HERC2: variants seen among roughly 807,000 people sequenced by gnomAD.
The protein encoded by HERC2 is E3 ubiquitin-protein ligase HERC2.
HERC2 carries 102 observed loss-of-function variants against 537.7 expected under a neutral mutation model. That is an observed-to-expected ratio of 0.19 (90% CI 0.16 to 0.22). The LOEUF (loss-of-function observed/expected upper bound fraction) is 0.22, where lower values mean the gene tolerates loss of function less well. HERC2 is among the 10% of genes least tolerant of loss of function. The pLI, the probability that HERC2 is intolerant of heterozygous loss-of-function variation, is 1.00. For missense variants in HERC2, 4,236 were observed against 6,198.2 expected (o/e 0.68, Z 10.63); for synonymous variants, 2,224 against 2,466.2 (o/e 0.90, Z 2.91).
rs375034743 is a variant in HERC2 at position 28,233,198 on chromosome 15, G to C, written c.4623C>G (p.Pro1541=). Residue 1541 remains proline (P), a synonymous_variant, in exon 30 of 93, where the codon CCC becomes CCG. Coordinates refer to ENST00000261609, the MANE Select transcript of HERC2 (RefSeq NM_004667.6). ...MSKFKLLSSL[P]RWRRIAQKII... is the part of the protein sequence containing the mutation. ...TCTTTTGAGCTATCCTCCTCCAACG[G>C]GGCAAAGAACTTAACAATTTAAACT... 4.0e-5 allele frequency: 65 copies of C among 1,611,634 alleles called. No homozygotes were observed. The African/African-American group carries it at 7.3e-4, about 18-fold the overall frequency.
At chr15:28,270,212 TAG>T (rs2075680984) in intron 10 of HERC2, among the ~76,000 whole-genome samples, 1 of 151,760 alleles carries the variant, frequency 6.6e-6, no homozygotes, top group South Asian at 2.1e-4. Context: ...TATAGATAGA[TAG>T]ATAGATAGAA....
At chr15:28,301,235 C>T (rs1172579138) in intron 2 of HERC2, among the ~76,000 whole-genome samples, 14 of 151,906 alleles carry the variant, frequency 9.2e-5, no homozygotes, top group South Asian at 8.3e-4. Flanking sequence ...GCCAACATGC[C>T]GAAACCCCAT....
rs146741301 is a variant in HERC2 at position 28,246,053 on chromosome 15, T to C, written c.3405A>G (p.Pro1135=). ...GAAGCACTATAGAAACTACTAGTTC[T>C]GGAAGGAGAACACCTACATTTAAGA... ...VEGDFTGVLL[P]ELVVSIVLLL... is the part of the protein sequence containing the mutation. Residue 1135 remains proline (P), a synonymous_variant, in exon 23 of 93, where the codon CCA becomes CCG. Coordinates refer to ENST00000261609, the MANE Select transcript of HERC2 (RefSeq NM_004667.6). The C allele has an allele frequency of 1.2e-5, 19 of 1,601,808 alleles. No individual in the cohort carries two copies. In the African/African-American group the frequency reaches 2.4e-4, roughly 20 times the overall value.
chr15:28,133,637 T>C (rs888862490), intron 79 of HERC2, among the ~76,000 whole-genome samples: 1 of 152,260 alleles, frequency 6.6e-6, no homozygotes, highest in African/African-American at 2.4e-5. Context: ...GTGTAAAGTA[T>C]GAATTTAAGT....
intron 35 of HERC2, 132 bp downstream of exon 35, chr15:28,228,086 G>T: frequency 1.3e-6 from 1 of 779,270 alleles, no homozygotes. Flanking sequence ...CGTTAAAATG[G>T]TACACTTCCT....
At chr15:28,321,971 G>T (rs1398785808) in intron 1 of HERC2, 104 bp downstream of exon 1, 1 of 122,216 alleles carries the variant, frequency 8.2e-6, no homozygotes, top group Non-Finnish European at 1.6e-5. Flanking sequence ...CGCAGGCCCC[G>T]GTGCGGCCGC....
At chr15:28,198,273 CA>C (rs1197570357) in intron 50 of HERC2, 104 bp downstream of exon 50, 1 of 1,321,916 alleles carries the variant, frequency 7.6e-7, no homozygotes, top group Non-Finnish European at 1.1e-6. Context: ...TATCTTTCTT[CA>C]ACACTTGTTT....
intron 17 of HERC2, among the ~76,000 whole-genome samples, chr15:28,256,639 A>C (rs1475052446): frequency 6.6e-6 from 1 of 152,058 alleles, no homozygotes; most frequent in Non-Finnish European, 1.5e-5. Context: ...AACTCAACCA[A>C]AAAAGCTGCC....
chr15:28,303,561 A>AT (rs1188272334), intron 2 of HERC2, among the ~76,000 whole-genome samples: 173 of 150,476 alleles, frequency 1.1e-3, no homozygotes, highest in African/African-American at 3.6e-3. Flanking sequence ...AAATTTCAGG[A>AT]TTTTTTTTTT....
At chr15:28,308,053 G>T (rs1264737241) in intron 2 of HERC2, among the ~76,000 whole-genome samples, 1 of 149,914 alleles carries the variant, frequency 6.7e-6, no homozygotes, top group African/African-American at 2.5e-5. Flanking sequence ...GGTTCAACAT[G>T]AATTTTAGGA....
At chr15:28,216,529 G>A (rs897668987) in intron 38 of HERC2, among the ~76,000 whole-genome samples, 3 of 144,782 alleles carry the variant, frequency 2.1e-5, no homozygotes, top group African/African-American at 7.7e-5. Context: ...CAGCCCCACA[G>A]GACCTGCTCT....
chr15:28,136,756 T>C (rs925553261), intron 78 of HERC2, among the ~76,000 whole-genome samples: 11 of 152,186 alleles, frequency 7.2e-5, no homozygotes, highest in Non-Finnish European at 1.6e-4. Context: ...ACAGAGACTA[T>C]ATGGCCCAAA....
intron 86 of HERC2, among the ~76,000 whole-genome samples, chr15:28,119,693 A>G (rs749780321): frequency 6.6e-6 from 1 of 152,026 alleles, no homozygotes; most frequent in Non-Finnish European, 1.5e-5. Context: ...GGCTCAAGCA[A>G]TCCATCCACG....
At chr15:28,132,881 T>C in intron 79 of HERC2, 51 bp from the exon 80 acceptor site, 1 of 1,396,108 alleles carries the variant, frequency 7.2e-7, no homozygotes, top group Non-Finnish European at 9.6e-7. Flanking sequence ...TTCTTAAACA[T>C]TTTTCAGTGT....
intron 2 of HERC2, among the ~76,000 whole-genome samples, chr15:28,303,623 T>C (rs2076695483): frequency 6.6e-6 from 1 of 152,210 alleles, no homozygotes; most frequent in Non-Finnish European, 1.5e-5. Flanking sequence ...ACATTGAACC[T>C]GTAGATTGCT....
At chr15:28,280,323 A>T (rs769060436) in intron 4 of HERC2, 36 bp from the exon 5 acceptor site, 1 of 1,497,892 alleles carries the variant, frequency 6.7e-7, no homozygotes, top group South Asian at 1.2e-5. Context: ...TCACCTGTGG[A>T]CAATGTGGCC....
chr15:28,288,091 GCCAAAATTGATAC>G (rs1485833974), intron 4 of HERC2, among the ~76,000 whole-genome samples: 1 of 152,086 alleles, frequency 6.6e-6, no homozygotes, highest in Non-Finnish European at 1.5e-5. Flanking sequence ...CAGAGATAAA[GCCAAAATTGATAC>G]CCAGACAGAC....
At chr15:28,171,252 G>T (rs1181160529) in intron 65 of HERC2, among the ~76,000 whole-genome samples, 2 of 152,204 alleles carry the variant, frequency 1.3e-5, no homozygotes, top group Non-Finnish European at 2.9e-5. Context: ...TTCGATGGTT[G>T]AGTATTCGAT....
chr15:28,119,398 T>G, intron 86 of HERC2, among the ~76,000 whole-genome samples: 1 of 82,884 alleles, frequency 1.2e-5, no homozygotes, highest in African/African-American at 7.4e-5. Flanking sequence ...AGACTCCCTC[T>G]CAAAAAAAAA....
Sources: gnomAD v4.1 joint callset for allele counts (sites outside exome capture counted in the v4.1 genomes callset) on GRCh38, gnomAD v4.1.1 for gene constraint, MANE v1.5 for transcripts, NCBI Gene and HGNC (gene_info 2026-07-23, HGNC 2026-07-21) for gene names.